LYPD1: variants seen among roughly 807,000 people sequenced by gnomAD.
The protein encoded by LYPD1 is LY6/PLAUR domain containing 1, also known as ly6/PLAUR domain-containing protein 1.
In LYPD1, 14 loss-of-function variants were observed where a neutral mutation model predicts 14.2. The observed-to-expected ratio is 0.99, with a 90% CI of 0.65 to 1.54. LYPD1 has a LOEUF of 1.54. Ranked by LOEUF, LYPD1 falls within the 40% of genes most tolerant of loss-of-function variation. The probability of loss-of-function intolerance (pLI) is 0.00; values close to 1 mark genes in which losing one functional copy is unlikely to be tolerated. For synonymous variants in LYPD1, 85 were observed against 70.6 expected (o/e 1.20, Z -1.02); for missense variants, 165 against 175.7 (o/e 0.94, Z 0.34).
At position 132,669,216 on chromosome 2, in the gene LYPD1, C is replaced by T. The variant is rs1490030879; in HGVS notation, c.52+665G>A. On this transcript the variant is annotated intron_variant, in intron 1 of 2. Coordinates refer to ENST00000397463, the MANE Select transcript of LYPD1 (RefSeq NM_144586.7). The surrounding 1 kb of genome is among the most constrained non-coding windows in gnomAD (Gnocchi z 4.3). ...GCGCGCGCACCCTGGATCCCCGACC[C>T]CGCAGCCCTTTCTTCCAGGCCCCGG... Among the ~76,000 whole-genome samples, 1 of 152,194 alleles carries T rather than the reference C, an allele frequency of 6.6e-6. No homozygotes were observed. Among genetic ancestry groups the T allele is most frequent in the Non-Finnish European group, 1.5e-5 (1 of 68,038 alleles).
chr2:132,669,554 G>T lies in LYPD1; in HGVS notation c.52+327C>A, dbSNP rs1291137538. On this transcript the variant is annotated intron_variant, in intron 1 of 2. Coordinates refer to ENST00000397463, the MANE Select transcript of LYPD1 (RefSeq NM_144586.7). This position sits in a 1 kb window ranked among gnomAD's most constrained non-coding sequence, Gnocchi z 4.3. ...GGCGCCAGACAACTTGGCAGGGTTC[G>T]GGAGATGTCGCCCCCTCTCCCTCGC... Among the ~76,000 whole-genome samples the T allele has an allele frequency of 6.6e-6, 1 of 152,132 alleles. No homozygotes were observed. Among genetic ancestry groups the T allele is most frequent in the Non-Finnish European group, 1.5e-5 (1 of 68,014 alleles).
intron 2 of LYPD1, among the ~76,000 whole-genome samples, chr2:132,666,096 C>T (rs967480314): frequency 5.3e-5 from 8 of 152,182 alleles, no homozygotes; most frequent in East Asian, 1.9e-4. Context: ...CCAGATTTCA[C>T]GAGATTCTAT....
chr2:132,670,030 G>C lies in LYPD1; in HGVS notation c.-98C>G. 3 of 1,557,928 alleles carry C rather than the reference G, an allele frequency of 1.9e-6. No individual in the cohort carries two copies. The highest frequency in any genetic ancestry group is 8.6e-7 in the Non-Finnish European group (1 of 1,160,766). On this transcript the variant is annotated 5_prime_UTR_variant, in exon 1 of 3. Transcript: ENST00000397463. This position sits in a 1 kb window ranked among gnomAD's most constrained non-coding sequence, Gnocchi z 4.5. Reference sequence around the variant, plus strand: ...TGCAGCGGCTGTGGCTGCCGAGGCTGCTGGGGCCCGCGCTGCTGCCGCGGA... The same window carrying C: ...TGCAGCGGCTGTGGCTGCCGAGGCTCCTGGGGCCCGCGCTGCTGCCGCGGA...
Position 132,669,952 on chromosome 2 carries a change from C to T in LYPD1, c.-20G>A, listed in dbSNP as rs1428060068. On this transcript the variant is annotated 5_prime_UTR_variant, in exon 1 of 3. Coordinates refer to ENST00000397463, the MANE Select transcript of LYPD1 (RefSeq NM_144586.7). The surrounding 1 kb of genome is among the most constrained non-coding windows in gnomAD (Gnocchi z 4.3). Reference sequence around the variant, plus strand: ...CCACATTCTCCCGGAGTCCCGGGGCCGGGAGAGGGCAAGCGCATCAGAGGA... The same window carrying T: ...CCACATTCTCCCGGAGTCCCGGGGCTGGGAGAGGGCAAGCGCATCAGAGGA... 2 of 1,611,032 alleles carry T rather than the reference C, an allele frequency of 1.2e-6. No homozygotes were observed. Among genetic ancestry groups the T allele is most frequent in the Admixed American group, 3.3e-5 (2 of 59,950 alleles).
Position 132,670,135 on chromosome 2 carries a change from G to A in LYPD1, c.-203C>T, listed in dbSNP as rs546917896. ...CCCGCGCTCGGGCTCCCGGCTGCGG[G>A]TCTCTGCTCCTCCCGCTCGCGCTCC... On this transcript the variant is annotated 5_prime_UTR_variant, in exon 1 of 3. Coordinates refer to ENST00000397463, the MANE Select transcript of LYPD1 (RefSeq NM_144586.7). The surrounding 1 kb of genome is among the most constrained non-coding windows in gnomAD (Gnocchi z 4.5). 22 of 1,393,796 alleles carry A rather than the reference G, an allele frequency of 1.6e-5. No homozygotes were observed. In the East Asian group the frequency reaches 4.4e-4, roughly 28 times the overall value. The allele number at this position is 1,393,796 out of a possible 1,614,324, so 86.3% of individuals were successfully genotyped here.
intron 2 of LYPD1, 85 bp downstream of exon 2, chr2:132,668,315 C>A: frequency 2.7e-6 from 4 of 1,474,996 alleles, no homozygotes; most frequent in South Asian, 2.8e-5. Flanking sequence ...CAAAGTCAGT[C>A]CTTTTTCCTG....
intron 2 of LYPD1, among the ~76,000 whole-genome samples, chr2:132,648,686 A>C (rs1251526574): frequency 6.6e-6 from 1 of 152,202 alleles, no homozygotes; most frequent in Non-Finnish European, 1.5e-5. Flanking sequence ...CGTTAGTCAG[A>C]AACAATTTAT....
chr2:132,658,750 G>A (rs1462538487), intron 2 of LYPD1, among the ~76,000 whole-genome samples: 1 of 152,182 alleles, frequency 6.6e-6, no homozygotes, highest in African/African-American at 2.4e-5. Context: ...GTGTCTTGTG[G>A]AACATACCTG....
chr2:132,651,895 G>A (rs1042982578), intron 2 of LYPD1, among the ~76,000 whole-genome samples: 2 of 152,294 alleles, frequency 1.3e-5, no homozygotes, highest in South Asian at 2.1e-4. Context: ...GTAGTTTGAC[G>A]GGTCCACAAC....
intron 2 of LYPD1, among the ~76,000 whole-genome samples, chr2:132,665,061 T>G (rs1002353055): frequency 1.3e-5 from 2 of 152,210 alleles, no homozygotes; most frequent in African/African-American, 4.8e-5. Flanking sequence ...AGCCAGTACC[T>G]TATTATTCCA....
Position 132,669,904 on chromosome 2 carries a change from A to G in LYPD1, c.29T>C (p.Phe10Ser). 3.1e-6 allele frequency: 5 copies of G among 1,612,872 alleles called. No individual in the cohort carries two copies. The highest frequency in any genetic ancestry group is 4.2e-6 in the Non-Finnish European group (5 of 1,179,350). Reference protein sequence around the residue: MWVLGIAATFCGLFLLPGFA... With the variant: MWVLGIAATSCGLFLLPGFA... ...ACCTGGAAGCAAGAACAATCCGCAA[A>G]AAGTTGCCGCGATGCCTAGGACCCA... Residue 10 changes from phenylalanine (F) to serine (S), a missense_variant, in exon 1 of 3, where the codon TTT becomes TCT. Phe to Ser is a radical substitution (Grantham distance 155). Coordinates refer to ENST00000397463, the MANE Select transcript of LYPD1 (RefSeq NM_144586.7). The surrounding 1 kb of genome is among the most constrained non-coding windows in gnomAD (Gnocchi z 4.3).
At chr2:132,667,218 G>T (rs934719795) in intron 2 of LYPD1, among the ~76,000 whole-genome samples, 1 of 152,206 alleles carries the variant, frequency 6.6e-6, no homozygotes. Context: ...ACCCTTGAGA[G>T]CCAGTATGTC....
At position 132,645,982 on chromosome 2, in the gene LYPD1, G is replaced by A. The variant is rs1682048533; in HGVS notation, c.*63C>T. 1 of 1,255,350 alleles carries A rather than the reference G, an allele frequency of 8.0e-7. No individual in the cohort carries two copies. The highest frequency in any genetic ancestry group is 1.5e-5 in the South Asian group (1 of 64,702). The allele number at this position is 1,255,350 out of a possible 1,614,324, so 77.8% of individuals were successfully genotyped here. On this transcript the variant is annotated 3_prime_UTR_variant, in exon 3 of 3. Coordinates refer to ENST00000397463, the MANE Select transcript of LYPD1 (RefSeq NM_144586.7). ...CACCCAGAAGAAACTCACTCAGGGA[G>A]GTGGGGGGTTGGGGGCGAGGGCTGG...
chr2:132,669,734 C>T lies in LYPD1; in HGVS notation c.52+147G>A. 6.9e-7 allele frequency: 1 copy of T among 1,442,018 alleles called. No homozygotes were observed. Among genetic ancestry groups the T allele is most frequent in the African/African-American group, 1.5e-5 (1 of 66,638 alleles). The allele number at this position is 1,442,018 out of a possible 1,614,324, so 89.3% of individuals were successfully genotyped here. A position where few individuals can be genotyped will look rare whatever the true frequency, so the allele number is the denominator to read the frequency against. The stretch of plus-strand genomic sequence containing the variant: ...TTGGACACTTTCCCAGCCTCGCGCC[C>T]CGGGGCACCAGTCGCGGCCGCCAAC... On this transcript the variant is annotated intron_variant, in intron 1 of 2. Coordinates refer to ENST00000397463, the MANE Select transcript of LYPD1 (RefSeq NM_144586.7). This position sits in a 1 kb window ranked among gnomAD's most constrained non-coding sequence, Gnocchi z 4.3.
intron 2 of LYPD1, 125 bp from the exon 3 acceptor site, chr2:132,646,405 T>G: frequency 2.0e-6 from 1 of 502,828 alleles, no homozygotes; most frequent in Non-Finnish European, 3.3e-6. Context: ...CTAGGTGAGG[T>G]CAGGGAAGTG....
intron 2 of LYPD1, among the ~76,000 whole-genome samples, chr2:132,655,513 C>CCTTTTTTTTT (rs1558879316): frequency 4.9e-5 from 3 of 61,018 alleles, no homozygotes; most frequent in South Asian, 3.9e-4. Flanking sequence ...GGTTGAGAAG[C>CCTTTTTTTTT]ATTTTTTTTT....
At chr2:132,649,136 A>G (rs576229048) in intron 2 of LYPD1, among the ~76,000 whole-genome samples, 4 of 152,340 alleles carry the variant, frequency 2.6e-5, no homozygotes, top group African/African-American at 7.2e-5. Context: ...ATTCAAGAAG[A>G]AAAAGTGTGC....
At position 132,645,720 on chromosome 2, in the gene LYPD1, G is replaced by A. The variant is rs1682032213; in HGVS notation, c.*325C>T. On this transcript the variant is annotated 3_prime_UTR_variant, in exon 3 of 3. Transcript: ENST00000397463. ...ATCAGGGATGGAATGGACACTGGAGGCTTTACAAAAGGCAGATGCCCACCT... is the reference window on the plus strand; with the variant it reads ...ATCAGGGATGGAATGGACACTGGAGACTTTACAAAAGGCAGATGCCCACCT... The A allele has an allele frequency of 8.5e-6, 12 of 1,419,858 alleles. No homozygotes were observed. The highest frequency in any genetic ancestry group is 9.4e-6 in the Non-Finnish European group (10 of 1,061,128). 88.0% of individuals were successfully genotyped at this position (1,419,858 alleles called of 1,614,324 possible). A position where few individuals can be genotyped will look rare whatever the true frequency, so the allele number is the denominator to read the frequency against.
chr2:132,652,619 G>A (rs557411419), intron 2 of LYPD1, among the ~76,000 whole-genome samples: 1 of 152,280 alleles, frequency 6.6e-6, no homozygotes, highest in Non-Finnish European at 1.5e-5. Flanking sequence ...CTACCCTGCA[G>A]AGGCACAGAG....
Sources: gnomAD v4.1 joint callset for allele counts (sites outside exome capture counted in the v4.1 genomes callset) on GRCh38, gnomAD v4.1.1 for gene constraint, Gnocchi (gnomAD v3.1) non-coding constraint, MANE v1.5 for transcripts, NCBI Gene and HGNC (gene_info 2026-07-23, HGNC 2026-07-21) for gene names.